Variants in ZFYVE26 observed in about 807,000 individuals in gnomAD.
ZFYVE26 encodes zinc finger FYVE-type containing 26.
ZFYVE26 carries 181 observed loss-of-function variants against 276.5 expected under a neutral mutation model. That is an observed-to-expected ratio of 0.65 (90% confidence interval 0.58 to 0.74). The LOEUF is 0.74. Among genes scored for constraint, ZFYVE26 ranks in the 30% least tolerant of loss-of-function variants. The probability of loss-of-function intolerance (pLI) is 0.00; values close to 1 mark genes in which losing one functional copy is unlikely to be tolerated. For missense variants in ZFYVE26, 2,821 were observed against 3,097.9 expected (o/e 0.91, Z 2.12); for synonymous variants, 1,129 against 1,203.1 (o/e 0.94, Z 1.27).
chr14:67,739,768 C>T (rs1489472349), intron 13 of ZFYVE26, among the ~76,000 whole-genome samples: 1 of 152,108 alleles, frequency 6.6e-6, no homozygotes, highest in Non-Finnish European at 1.5e-5. Context: ...CAGGTGTTCA[C>T]CCAAGTTTTA....
chr14:67,769,473 G>C, intron 29 of ZFYVE26, 121 bp downstream of exon 29: 1 of 1,434,318 alleles, frequency 7.0e-7, no homozygotes, highest in South Asian at 1.2e-5. Context: ...TGGCATTTCA[G>C]TGTGAATGTT....
intron 31 of ZFYVE26, among the ~76,000 whole-genome samples, chr14:67,767,493 AC>A (rs1246686406): frequency 6.6e-6 from 1 of 151,804 alleles, no homozygotes; most frequent in African/African-American, 2.4e-5. Context: ...CTTAAATGCT[AC>A]CTCTTCCACG....
intron 13 of ZFYVE26, among the ~76,000 whole-genome samples, chr14:67,739,750 C>A (rs2038393492): frequency 6.6e-6 from 1 of 152,192 alleles, no homozygotes; most frequent in South Asian, 2.1e-4. Context: ...AGTCCTGGCA[C>A]ACCCTTACAG....
Position 67,748,319 on chromosome 14 carries a change from C to T in ZFYVE26, c.*117G>A, listed in dbSNP as rs2038539454. The T allele has an allele frequency of 8.2e-7, 1 of 1,222,000 alleles. No individual in the cohort carries two copies. Among genetic ancestry groups the T allele is most frequent in the Non-Finnish European group, 1.1e-6 (1 of 877,232 alleles). The allele number at this position is 1,222,000 out of a possible 1,614,324, so 75.7% of individuals were successfully genotyped here. On this transcript the variant is annotated 3_prime_UTR_variant, in exon 42 of 42. Transcript: ENST00000347230. ...AAGTAGGGTCCAATCCAACTCTTTC[C>T]AACCTAGGGCAGAGCCAGAGAAGTC...
chr14:67,767,981 T>C, intron 30 of ZFYVE26, 141 bp from the exon 31 acceptor site: 1 of 1,184,574 alleles, frequency 8.4e-7, no homozygotes, highest in Non-Finnish European at 1.2e-6. Context: ...TCCTTTTGTT[T>C]GCTTTAGGAC....
In ZFYVE26 at chr14:67,767,788, G is replaced by A. The variant is rs1251746638; in HGVS notation, c.5706C>T (p.Val1902=). Residue 1902 remains valine (V), a synonymous_variant, in exon 31 of 42, where the codon GTC becomes GTT. Coordinates refer to ENST00000347230, the MANE Select transcript of ZFYVE26 (RefSeq NM_015346.4). ...TCCATTCCACCTCATCTGCTTTGGG[G>A]ACTCTCACCACAAACGAGTATGGAG... The part of the protein sequence containing the change: ...ESPPYSFVVR[V]PKADEVEWIL... 6 of 1,614,140 alleles carry A rather than the reference G, an allele frequency of 3.7e-6. No homozygotes were observed. The highest frequency in any genetic ancestry group is 5.1e-6 in the Non-Finnish European group (6 of 1,180,022).
At chr14:67,769,481 G>A in intron 29 of ZFYVE26, 113 bp downstream of exon 29, 1 of 1,500,902 alleles carries the variant, frequency 6.7e-7, no homozygotes, top group Non-Finnish European at 9.2e-7. Context: ...CAGTGTGAAT[G>A]TTAAACATTT....
intron 13 of ZFYVE26, chr14:67,729,939 A>C: frequency 7.4e-6 from 3 of 404,558 alleles, no homozygotes; most frequent in South Asian, 5.6e-5. Context: ...CCATGACAGA[A>C]TCCAGCCCTG....
chr14:67,792,235 C>T (rs576791766), intron 14 of ZFYVE26, among the ~76,000 whole-genome samples: 132 of 152,164 alleles, frequency 8.7e-4, no homozygotes, highest in South Asian at 2.5e-3. Flanking sequence ...ACTGAACTCA[C>T]ATGAAAGAAC....
At chr14:67,781,225 C>T (rs1327863964) in intron 22 of ZFYVE26, 108 bp downstream of exon 22, 4 of 1,373,468 alleles carry the variant, frequency 2.9e-6, no homozygotes, top group Non-Finnish European at 4.1e-6. Flanking sequence ...AAAGCAAAAC[C>T]CAGACCTATA....
At chr14:67,759,210 A>C (rs1232419034) in intron 35 of ZFYVE26, among the ~76,000 whole-genome samples, 1 of 134,410 alleles carries the variant, frequency 7.4e-6, no homozygotes, top group African/African-American at 2.8e-5. Flanking sequence ...GTGCCACCGC[A>C]CTCCAGCCTG....
Position 67,754,095 on chromosome 14 carries a change from G to A in ZFYVE26, c.7104C>T (p.His2368=), listed in dbSNP as rs1188206423. ...CCTTGCAGGCAACATCCATTTTCAT[G>A]TGGTTATTTCCAAACAGGGTTGGCA... ...LPLPTLFGNN[H]MKMDVACKVM... The change falls in exon 38 of 42, where the codon CAC becomes CAT. Residue 2368 remains histidine (H), a synonymous_variant. Transcript: ENST00000347230. The A allele has an allele frequency of 1.2e-6, 2 of 1,614,120 alleles. No individual in the cohort carries two copies. The highest frequency in any genetic ancestry group is 2.2e-5 in the East Asian group (1 of 44,902).
At chr14:67,814,146 G>C in intron 2 of ZFYVE26, 82 bp from the exon 3 acceptor site, 1 of 1,141,594 alleles carries the variant, frequency 8.8e-7, no homozygotes, top group South Asian at 1.3e-5. Context: ...AGATTTCATT[G>C]CTTATTCTGT....
rs762690743 is a variant in ZFYVE26, at chr14:67,754,157, C to T, written c.7042G>A (p.Glu2348Lys). 1.1e-5 allele frequency: 17 copies of T among 1,614,136 alleles called. No homozygotes were observed. Among genetic ancestry groups the T allele is most frequent in the African/African-American group, 8.0e-5 (6 of 74,944 alleles). ...MEVTRFLHRC[E>K]SAGTSQITTL... is the part of the protein sequence containing the mutation. ...GTGATTTGAGAGGTCCCAGCACTTT[C>T]GCACCGATGCAAGAACCTGGTCACT... Residue 2348 changes from glutamate (E) to lysine (K), a missense_variant, in exon 38 of 42, where the codon GAA becomes AAA. By Grantham distance (56) the Glu-to-Lys change is moderately conservative. Transcript: ENST00000347230.
chr14:67,790,061 A>C (rs2039769254), intron 15 of ZFYVE26, among the ~76,000 whole-genome samples: 2 of 152,372 alleles, frequency 1.3e-5, no homozygotes, highest in South Asian at 4.1e-4. Context: ...GGCCTAGGCC[A>C]GTAAGAGTTG....
At position 67,766,117 on chromosome 14, in the gene ZFYVE26, C is replaced by T; in HGVS notation, c.6011+110G>A. 5.6e-6 allele frequency: 6 copies of T among 1,062,444 alleles called. No homozygotes were observed. The South Asian group carries it at 7.8e-5, about 14-fold the overall frequency. 65.8% of individuals were successfully genotyped at this position (1,062,444 alleles called of 1,614,324 possible). ...ATTACACAGATGAAAAATCTTTCAG[C>T]ATGTCTTGTCAGAGAGGATGGTGAG... On this transcript the variant is annotated intron_variant, in intron 32 of 41. Coordinates refer to ENST00000347230, the MANE Select transcript of ZFYVE26 (RefSeq NM_015346.4).
intron 14 of ZFYVE26, among the ~76,000 whole-genome samples, chr14:67,792,913 CAAAAAAAAA>C (rs34041446): frequency 7.0e-5 from 4 of 56,812 alleles, no homozygotes; most frequent in Non-Finnish European, 1.2e-4. Flanking sequence ...AAATCTGTCT[CAAAAAAAAA>C]AAAAAAAAAA....
chr14:67,756,182 G>C (rs747269755), intron 35 of ZFYVE26, 37 bp from the exon 36 acceptor site: 1 of 1,608,530 alleles, frequency 6.2e-7, no homozygotes, highest in Non-Finnish European at 8.5e-7. Context: ...GAAGTCTTGA[G>C]CCTGGTTCTG....
intron 13 of ZFYVE26, among the ~76,000 whole-genome samples, chr14:67,736,356 C>T (rs528497418): frequency 3.0e-4 from 46 of 152,110 alleles, no homozygotes; most frequent in East Asian, 9.6e-4. Flanking sequence ...ATTTTGATAT[C>T]GCTATCATAT....
Sources: gnomAD v4.1 joint callset for allele counts (sites outside exome capture counted in the v4.1 genomes callset) on GRCh38, gnomAD v4.1.1 for gene constraint, MANE v1.5 for transcripts, NCBI Gene and HGNC (gene_info 2026-07-23, HGNC 2026-07-21) for gene names.